Variants in VSTM1 observed in about 807,000 individuals in gnomAD.
The protein encoded by VSTM1 is V-set and transmembrane domain-containing protein 1.
A neutral mutation model predicts 33.1 loss-of-function variants in VSTM1; 27 were observed. The observed-to-expected ratio is 0.82, with a 90% confidence interval of 0.60 to 1.12. The LOEUF (loss-of-function observed/expected upper bound fraction) is 1.12, where lower values mean the gene tolerates loss of function less well. Among genes scored for constraint, VSTM1 ranks in the 50% most tolerant of loss-of-function variants. The pLI is 0.00. For missense variants in VSTM1, 304 were observed against 288.9 expected, an observed-to-expected ratio of 1.05 and a Z score of -0.38; for synonymous variants, 115 against 110.3, an observed-to-expected ratio of 1.04 and a Z score of -0.27.
Position 54,041,073 on chromosome 19 carries a change from T to C in VSTM1, c.599A>G (p.Asp200Gly), listed in dbSNP as rs774535177. 2.5e-6 allele frequency: 4 copies of C among 1,582,164 alleles called. No individual in the cohort carries two copies. Among genetic ancestry groups the C allele is most frequent in the South Asian group, 1.2e-5 (1 of 86,286 alleles). Residue 200 changes from aspartate to glycine, a missense_variant, in exon 9 of 9, where the codon GAC becomes GGC. Physicochemically the swap from Asp to Gly is moderately conservative, Grantham distance 94 (BLOSUM62 -1). Transcript: ENST00000338372. Reference protein sequence around the residue: ...NMERVSLSTADPQGVTYAELS... With the variant: ...NMERVSLSTAGPQGVTYAELS... ...CTCAGCATAGGTCACTCCTTGGGGGTCTGCCGTCTTTGGAGAAAATAGATG... is the reference window on the plus strand; with the variant it reads ...CTCAGCATAGGTCACTCCTTGGGGGCCTGCCGTCTTTGGAGAAAATAGATG...
chr19:54,043,029 A>T (rs1446067168), intron 4 of VSTM1, among the ~76,000 whole-genome samples: 1 of 150,960 alleles, frequency 6.6e-6, no homozygotes, highest in African/African-American at 2.4e-5. Flanking sequence ...TCACTGTCTG[A>T]AATCCACTGA....
chr19:54,046,420 A>C (rs1314223502), intron 4 of VSTM1, among the ~76,000 whole-genome samples: 2 of 152,104 alleles, frequency 1.3e-5, no homozygotes, highest in Admixed American at 6.6e-5. Flanking sequence ...ATAATATCTA[A>C]CTTGAAGAGT....
In VSTM1 at chr19:54,041,679, A is replaced by G. The variant is rs2070278758; in HGVS notation, c.591+100T>C. The G allele has an allele frequency of 1.1e-5, 14 of 1,285,470 alleles. No homozygotes were observed. In the South Asian group the frequency reaches 1.9e-4, roughly 17 times the overall value. 79.6% of individuals were successfully genotyped at this position (1,285,470 alleles called of 1,614,324 possible). On this transcript the variant is annotated intron_variant, in intron 8 of 8. Coordinates refer to ENST00000338372, the MANE Select transcript of VSTM1 (RefSeq NM_198481.4). ...ACTTGTCTAAGACCACATGCGTGAT[A>G]AACAGTATACATTTCTGTATGGGCT... is the stretch of plus-strand genomic sequence containing the variant.
In VSTM1 at chr19:54,040,845, CT is replaced by C; in HGVS notation, c.*115del. On this transcript the variant is annotated 3_prime_UTR_variant, in exon 9 of 9. Transcript: ENST00000338372. ...TCAGATTTCTTTTTAAGACGAGAAA[CT>C]TAATTTTATTGATATGGACGAAGAG... 1.4e-6 allele frequency: 2 copies of C among 1,381,400 alleles called. No individual in the cohort carries two copies. Among genetic ancestry groups the C allele is most frequent in the Non-Finnish European group, 1.9e-6 (2 of 1,040,434 alleles). The allele number at this position is 1,381,400 out of a possible 1,614,324, so 85.6% of individuals were successfully genotyped here. A position where few individuals can be genotyped will look rare whatever the true frequency, so the allele number is the denominator to read the frequency against.
In VSTM1 at chr19:54,056,199, CTTTT is replaced by C. The variant is rs1180689195; in HGVS notation, c.355+2103_355+2106del. ...TTTTTTGTTTTTCTTTTCTTTCTTT[CTTTT>C]CTTTTCTTTTCTTTTTTTTTTTTTT... On this transcript the variant is annotated intron_variant, in intron 3 of 8. Coordinates refer to ENST00000338372, the MANE Select transcript of VSTM1 (RefSeq NM_198481.4). Among the ~76,000 whole-genome samples the C allele has an allele frequency of 9.1e-5, 8 of 87,810 alleles. 2 individuals carry two copies. Among genetic ancestry groups the C allele is most frequent in the Non-Finnish European group, 1.3e-4 (6 of 44,936 alleles). The allele number at this position is 87,810 out of a possible 152,430, so 57.6% of individuals were successfully genotyped here. A position where few individuals can be genotyped will look rare whatever the true frequency, so the allele number is the denominator to read the frequency against.
Position 54,040,987 on chromosome 19 carries a change from G to T in VSTM1, c.685C>A (p.His229Asn). 4 of 1,610,768 alleles carry T rather than the reference G, an allele frequency of 2.5e-6. No individual in the cohort carries two copies. Among genetic ancestry groups the T allele is most frequent in the Non-Finnish European group, 3.4e-6 (4 of 1,178,794 alleles). ...TACACTTTCAGTGCCGCATATTCAT[G>T]AGATCCTGGGGGCTCCTGGGTGGTG... is the stretch of plus-strand genomic sequence containing the variant. ...SDTTQEPPGS[H>N]EYAALKV The change falls in exon 9 of 9, where the codon CAT becomes AAT. Residue 229 changes from histidine to asparagine, a missense_variant. By Grantham distance (68) the His-to-Asn change is moderately conservative (BLOSUM62 1). Coordinates refer to ENST00000338372, the MANE Select transcript of VSTM1 (RefSeq NM_198481.4).
chr19:54,042,758 G>A lies in VSTM1; in HGVS notation c.395-389C>T, dbSNP rs1047586257. On this transcript the variant is annotated intron_variant, in intron 4 of 8. Transcript: ENST00000338372. ...TATATATATATACGTGTGTGTGTGT[G>A]TATATATATATATAAATGTATATAT... 5.1e-4 allele frequency among the ~76,000 whole-genome samples: 62 copies of A among 121,984 alleles called. 1 individual carries two copies. The Middle Eastern group carries it at 0.012, about 24-fold the overall frequency. 80.0% of individuals were successfully genotyped at this position (121,984 alleles called of 152,430 possible). A position where few individuals can be genotyped will look rare whatever the true frequency, so the allele number is the denominator to read the frequency against.
At chr19:54,045,783 ATATC>A (rs1316261607) in intron 4 of VSTM1, among the ~76,000 whole-genome samples, 2 of 151,970 alleles carry the variant, frequency 1.3e-5, no homozygotes, top group South Asian at 2.1e-4. Context: ...GTGTATCTGT[ATATC>A]TATCTATCTA....
intron 4 of VSTM1, among the ~76,000 whole-genome samples, chr19:54,044,852 C>G (rs1323647276): frequency 6.6e-6 from 1 of 152,124 alleles, no homozygotes; most frequent in Admixed American, 6.5e-5. Context: ...GCAGTTCCCC[C>G]CCGTTTTTTG....
chr19:54,053,731 G>C (rs111917089), intron 3 of VSTM1, among the ~76,000 whole-genome samples: 1 of 142,292 alleles, frequency 7.0e-6, no homozygotes, highest in Non-Finnish European at 1.5e-5. Context: ...CACATCAACT[G>C]TGAGATAATA....
At position 54,040,977 on chromosome 19, in the gene VSTM1, G is replaced by C. The variant is rs146430350; in HGVS notation, c.695C>G (p.Ala232Gly). 1.8e-3 allele frequency: 2,837 copies of C among 1,609,720 alleles called. 5 individuals are homozygous for C. Among genetic ancestry groups the C allele is most frequent in the Non-Finnish European group, 2.1e-3 (2,524 of 1,178,312 alleles). The change falls in exon 9 of 9, where the codon GCG (alanine) becomes GGG (glycine). Residue 232 changes from alanine to glycine, a missense_variant. Ala to Gly is a moderately conservative substitution (Grantham distance 60, BLOSUM62 0). Coordinates refer to ENST00000338372, the MANE Select transcript of VSTM1 (RefSeq NM_198481.4). ...TQEPPGSHEY[A>G]ALKV ...GTCTTCTTGCTACACTTTCAGTGCC[G>C]CATATTCATGAGATCCTGGGGGCTC...
rs114140142 is a variant in VSTM1 at position 54,061,706 on chromosome 19, C to T, written c.34+2038G>A. ...TGGTGTGCACCTGTAGTCCTAGCTG[C>T]TCAGAAGGCTGCGGGGAGGACTGCT... On this transcript the variant is annotated intron_variant, in intron 1 of 8. Transcript: ENST00000338372. Among the ~76,000 whole-genome samples, 1,244 of 152,198 alleles carry T rather than the reference C, an allele frequency of 8.2e-3. 16 individuals are homozygous for T. Among genetic ancestry groups the T allele is most frequent in the African/African-American group, 0.029 (1,188 of 41,526 alleles).
chr19:54,045,319 T>C (rs1188205887), intron 4 of VSTM1, among the ~76,000 whole-genome samples: 2 of 152,170 alleles, frequency 1.3e-5, no homozygotes, highest in Non-Finnish European at 2.9e-5. Flanking sequence ...AATCTATCCG[T>C]CCTATCTAAT....
chr19:54,042,519 G>C, intron 4 of VSTM1, 150 bp from the exon 5 acceptor site: 1 of 1,225,254 alleles, frequency 8.2e-7, no homozygotes. Context: ...ATTGCTTTGG[G>C]GAATTTCCTT....
rs369366127 is a variant in VSTM1 at position 54,040,878 on chromosome 19, A to C, written c.*83T>G. The C allele has an allele frequency of 4.6e-3, 6,984 of 1,522,528 alleles. 269 individuals carry two copies. In the Admixed American group the frequency reaches 0.1, roughly 22 times the overall value. The allele number at this position is 1,522,528 out of a possible 1,614,324, so 94.3% of individuals were successfully genotyped here. A position where few individuals can be genotyped will look rare whatever the true frequency, so the allele number is the denominator to read the frequency against. On this transcript the variant is annotated 3_prime_UTR_variant, in exon 9 of 9. Transcript: ENST00000338372. ...TATTGATATGGACGAAGAGCAAGGAAACACAGTATCTGCATCTCCAGATTT... is the reference window on the plus strand; with the variant it reads ...TATTGATATGGACGAAGAGCAAGGACACACAGTATCTGCATCTCCAGATTT...
chr19:54,041,541 T>A (rs1342253351), intron 8 of VSTM1, among the ~76,000 whole-genome samples: 3 of 152,138 alleles, frequency 2.0e-5, no homozygotes, highest in Admixed American at 6.5e-5. Context: ...GACCTCATGA[T>A]CCGCCCGCCT....
intron 1 of VSTM1, among the ~76,000 whole-genome samples, chr19:54,060,323 C>T (rs2071333621): frequency 1.3e-5 from 2 of 152,140 alleles, no homozygotes; most frequent in Admixed American, 1.3e-4. Flanking sequence ...GCGTCTTAAA[C>T]TTGGGTGGAA....
Position 54,063,871 on chromosome 19 carries a change from G to A in VSTM1, c.-94C>T, listed in dbSNP as rs2071521324. 7.0e-7 allele frequency: 1 copy of A among 1,426,326 alleles called. No homozygotes were observed. The highest frequency in any genetic ancestry group is 9.6e-7 in the Non-Finnish European group (1 of 1,041,840). The allele number at this position is 1,426,326 out of a possible 1,614,324, so 88.4% of individuals were successfully genotyped here. On this transcript the variant is annotated 5_prime_UTR_variant, in exon 1 of 9. Coordinates refer to ENST00000338372, the MANE Select transcript of VSTM1 (RefSeq NM_198481.4). ...CCGGCCGCAGCTCTCCGGCTGCCCG[G>A]TTCGTCCCCAGGATGTGCAGATAGA... is the stretch of plus-strand genomic sequence containing the variant.
At position 54,056,473 on chromosome 19, in the gene VSTM1, G is replaced by C. The variant is rs2071106181; in HGVS notation, c.355+1833C>G. Among the ~76,000 whole-genome samples, 2 of 138,388 alleles carry C rather than the reference G, an allele frequency of 1.4e-5. 1 individual carries two copies. 90.8% of individuals were successfully genotyped at this position (138,388 alleles called of 152,430 possible). ...TGACCTCAGGTGATCCACCCTCCTAGGCCTCCCAAAGTGCTAGGATTACAG... is the reference window on the plus strand; with the variant it reads ...TGACCTCAGGTGATCCACCCTCCTACGCCTCCCAAAGTGCTAGGATTACAG... On this transcript the variant is annotated intron_variant, in intron 3 of 8. Transcript: ENST00000338372.
Sources: gnomAD v4.1 joint callset for allele counts (sites outside exome capture counted in the v4.1 genomes callset) on GRCh38, gnomAD v4.1.1 for gene constraint, MANE v1.5 for transcripts, NCBI Gene and HGNC (gene_info 2026-07-23, HGNC 2026-07-21) for gene names.